Variants in TLR2 observed in about 807,000 individuals in gnomAD.
TLR2 encodes the protein toll-like receptor 2.
A neutral mutation model predicts 9.1 loss-of-function variants in TLR2; 7 were observed. That is an observed-to-expected ratio of 0.77 (90% confidence interval 0.44 to 1.44). TLR2 has a LOEUF of 1.44. Among genes scored for constraint, TLR2 ranks in the 40% most tolerant of loss-of-function variants. TLR2 has a pLI of 0.01. For synonymous variants in TLR2, 317 were observed against 344.6 expected (o/e 0.92, Z 0.89); for missense variants, 812 against 904.6 (o/e 0.90, Z 1.31).
At chr4:153,693,888 C>G (rs925482039) in intron 2 of TLR2, among the ~76,000 whole-genome samples, 1 of 152,190 alleles carries the variant, frequency 6.6e-6, no homozygotes, top group Non-Finnish European at 1.5e-5. Context: ...AGCCTTCATC[C>G]TGGGTTTGAG....
At chr4:153,692,697 C>T (rs946558044) in intron 2 of TLR2, among the ~76,000 whole-genome samples, 1 of 152,080 alleles carries the variant, frequency 6.6e-6, no homozygotes, top group African/African-American at 2.4e-5. Flanking sequence ...CTTGTGATCC[C>T]CATTGTTGTA....
In TLR2 at chr4:153,704,225, T is replaced by C; in HGVS notation, c.1318T>C (p.Tyr440His). 6.2e-7 allele frequency: 1 copy of C among 1,614,164 alleles called. No individual in the cohort carries two copies. The highest frequency in any genetic ancestry group is 2.2e-5 in the East Asian group (1 of 44,874). Reference protein sequence around the residue: ...ETCQWPEKMKYLNLSSTRIHS... With the variant: ...ETCQWPEKMKHLNLSSTRIHS... ...TTGTCAGTGGCCAGAAAAGATGAAA[T>C]ATTTGAACTTATCCAGCACACGAAT... Residue 440 changes from tyrosine (Y) to histidine (H), a missense_variant, in exon 3 of 3, where the codon TAT becomes CAT. Physicochemically the swap from Tyr to His is moderately conservative, Grantham distance 83 (BLOSUM62 2). Coordinates refer to ENST00000642700, the MANE Select transcript of TLR2 (RefSeq NM_001318789.2).
chr4:153,694,672 T>C (rs1736365238), intron 2 of TLR2, among the ~76,000 whole-genome samples: 1 of 152,204 alleles, frequency 6.6e-6, no homozygotes, highest in African/African-American at 2.4e-5. Flanking sequence ...TATCCTTTCT[T>C]TGTGTTATAA....
intron 1 of TLR2, among the ~76,000 whole-genome samples, chr4:153,684,901 C>A (rs1157353536): frequency 6.6e-6 from 1 of 150,824 alleles, no homozygotes; most frequent in African/African-American, 2.5e-5. Flanking sequence ...GCTCTCCCCG[C>A]CTCCTGGCCC....
At chr4:153,684,921 C>T (rs533416027) in intron 1 of TLR2, among the ~76,000 whole-genome samples, 2 of 152,202 alleles carry the variant, frequency 1.3e-5, no homozygotes, top group Non-Finnish European at 2.9e-5. Context: ...CCTCTTGGCT[C>T]GGATGACAAA....
Position 153,705,505 on chromosome 4 carries a change from T to C in TLR2, c.*243T>C. On this transcript the variant is annotated 3_prime_UTR_variant, in exon 3 of 3. Coordinates refer to ENST00000642700, the MANE Select transcript of TLR2 (RefSeq NM_001318789.2). The stretch of plus-strand genomic sequence containing the variant: ...GAGATAACCATGATCATAAGTCTAT[T>C]ACTGATATCTGAATATAGTCCCTTG... 1 of 376,162 alleles carries C rather than the reference T, an allele frequency of 2.7e-6. No individual in the cohort carries two copies. Among genetic ancestry groups the C allele is most frequent in the South Asian group, 5.1e-5 (1 of 19,580 alleles). 23.3% of individuals were successfully genotyped at this position (376,162 alleles called of 1,614,324 possible).
Position 153,705,897 on chromosome 4 carries a change from GTGTCATTC to G in TLR2, c.*637_*644del, listed in dbSNP as rs928507262. On this transcript the variant is annotated 3_prime_UTR_variant, in exon 3 of 3. Coordinates refer to ENST00000642700, the MANE Select transcript of TLR2 (RefSeq NM_001318789.2). ...AATGAACTTAAGATTCTCAATGACTGTGTCATTCTTTCTTCCTGCTAAGAGACTCCTCT... is the reference window on the plus strand; with the variant it reads ...AATGAACTTAAGATTCTCAATGACTGTTTCTTCCTGCTAAGAGACTCCTCT... Among the ~76,000 whole-genome samples, 32 of 152,174 alleles carry G rather than the reference GTGTCATTC, an allele frequency of 2.1e-4. No homozygotes were observed. The highest frequency in any genetic ancestry group is 7.5e-4 in the African/African-American group (31 of 41,428).
rs79513145 is a variant in TLR2 at position 153,685,431 on chromosome 4, C to T, written c.-163+1071C>T. Among the ~76,000 whole-genome samples the T allele has an allele frequency of 8.8e-3, 1,340 of 152,296 alleles. 17 individuals carry two copies. The highest frequency in any genetic ancestry group is 0.029 in the African/African-American group (1,204 of 41,554). On this transcript the variant is annotated intron_variant, in intron 1 of 2. Coordinates refer to ENST00000642700, the MANE Select transcript of TLR2 (RefSeq NM_001318789.2). ...CAAAGTTTGCTGAGATGACTTTAAT[C>T]TTTTGACTCTGTTATTAAGATTTTT...
At chr4:153,699,568 A>T (rs980115882) in intron 2 of TLR2, among the ~76,000 whole-genome samples, 23 of 152,326 alleles carry the variant, frequency 1.5e-4, no homozygotes, top group African/African-American at 5.5e-4. Flanking sequence ...TTCTCTTGCT[A>T]AAGTTTCTTT....
In TLR2 at chr4:153,705,782, G is replaced by T. The variant is rs760017376; in HGVS notation, c.*520G>T. 2 of 166,952 alleles carry T rather than the reference G, an allele frequency of 1.2e-5. No individual in the cohort carries two copies. The highest frequency in any genetic ancestry group is 2.9e-5 in the Non-Finnish European group (2 of 68,102). 10.3% of individuals were successfully genotyped at this position (166,952 alleles called of 1,614,324 possible). A position where few individuals can be genotyped will look rare whatever the true frequency, so the allele number is the denominator to read the frequency against. ...TTTTAAAACATACTTTTGATCCACAGTTGGTTGACTTCATGGATGCAGAAC... is the reference window on the plus strand; with the variant it reads ...TTTTAAAACATACTTTTGATCCACATTTGGTTGACTTCATGGATGCAGAAC... On this transcript the variant is annotated 3_prime_UTR_variant, in exon 3 of 3. Coordinates refer to ENST00000642700, the MANE Select transcript of TLR2 (RefSeq NM_001318789.2).
At chr4:153,688,453 G>A (rs1458681661) in intron 2 of TLR2, 2 of 152,262 alleles carry the variant, frequency 1.3e-5, no homozygotes, top group Admixed American at 1.3e-4. Context: ...AGAGTGTGGA[G>A]TGGGAAATCA....
At chr4:153,710,631 T>C (rs1737506070), downstream of TLR2, 3 of 759,048 alleles carry the variant, frequency 4.0e-6, no homozygotes, top group Middle Eastern at 5.8e-4. Flanking sequence ...AAAAGCCCCT[T>C]ATGTGAGTTT....
At position 153,698,898 on chromosome 4, in the gene TLR2, C is replaced by A. The variant is rs1474504065; in HGVS notation, c.-16-3994C>A. On this transcript the variant is annotated intron_variant, in intron 2 of 2. Coordinates refer to ENST00000642700, the MANE Select transcript of TLR2 (RefSeq NM_001318789.2). ...TACCTGTTCAAATTGCACATCTGGTCTTTCTATAGGGTTAGGCTTTTTGAG... is the reference window on the plus strand; with the variant it reads ...TACCTGTTCAAATTGCACATCTGGTATTTCTATAGGGTTAGGCTTTTTGAG... Among the ~76,000 whole-genome samples, 11 of 152,288 alleles carry A rather than the reference C, an allele frequency of 7.2e-5. No individual in the cohort carries two copies. In the East Asian group the frequency reaches 2.1e-3, roughly 29 times the overall value.
At position 153,704,810 on chromosome 4, in the gene TLR2, C is replaced by A; in HGVS notation, c.1903C>A (p.Pro635Thr). The A allele has an allele frequency of 6.2e-7, 1 of 1,613,924 alleles. No individual in the cohort carries two copies. Among genetic ancestry groups the A allele is most frequent in the South Asian group, 1.1e-5 (1 of 91,048 alleles). Residue 635 changes from proline (P) to threonine (T), a missense_variant, in exon 3 of 3, where the codon CCC becomes ACC. Coordinates refer to ENST00000642700, the MANE Select transcript of TLR2 (RefSeq NM_001318789.2). Reference sequence around the variant, plus strand: ...GGCCAAAAGGAAGCCCAGGAAAGCTCCCAGCAGGAACATCTGCTATGATGC... The same window carrying A: ...GGCCAAAAGGAAGCCCAGGAAAGCTACCAGCAGGAACATCTGCTATGATGC... ...LQAKRKPRKA[P>T]SRNICYDAFV...
chr4:153,710,607 C>T, downstream of TLR2: 6 of 983,692 alleles, frequency 6.1e-6, no homozygotes, highest in Non-Finnish European at 9.0e-6. Flanking sequence ...CTTGTTAATT[C>T]TATGTGCTCA....
chr4:153,709,250 G>A (rs1410409085), downstream of TLR2, among the ~76,000 whole-genome samples: 3 of 152,184 alleles, frequency 2.0e-5, no homozygotes, highest in Non-Finnish European at 4.4e-5. Context: ...CCTTTGAATA[G>A]CATTAAGTAT....
At chr4:153,710,155 A>C, downstream of TLR2, 1 of 436,272 alleles carries the variant, frequency 2.3e-6, no homozygotes, top group South Asian at 3.5e-5. Flanking sequence ...GTTAAGAAAC[A>C]GCTGTAATGG....
At chr4:153,684,998 C>G (rs1735597828) in intron 1 of TLR2, among the ~76,000 whole-genome samples, 1 of 152,226 alleles carries the variant, frequency 6.6e-6, no homozygotes, top group South Asian at 2.1e-4. Flanking sequence ...CTGGTTACTG[C>G]TAGGACGGAG....
At chr4:153,690,707 G>A (rs1475402271) in intron 2 of TLR2, among the ~76,000 whole-genome samples, 1 of 152,230 alleles carries the variant, frequency 6.6e-6, no homozygotes. Context: ...CTGGATAATA[G>A]CTTTAGCTTC....
Sources: allele counts gnomAD v4.1 joint callset (sites outside exome capture counted in the v4.1 genomes callset), GRCh38; gene constraint gnomAD v4.1.1; transcripts MANE v1.5; gene names NCBI Gene and HGNC (gene_info 2026-07-23, HGNC 2026-07-21).